Variants in EBF4 observed in about 807,000 individuals in gnomAD.
The protein encoded by EBF4 is EBF transcription factor 4, also known as transcription factor COE4.
A neutral mutation model predicts 67.1 loss-of-function variants in EBF4; 34 were observed. The ratio of observed to expected loss-of-function variants is 0.51; its 90% CI spans 0.39 to 0.67. The LOEUF is 0.67. EBF4 is among the 30% of genes least tolerant of loss of function. The pLI, the probability that EBF4 is intolerant of heterozygous loss-of-function variation, is 0.00. For synonymous variants in EBF4, 387 were observed against 377.7 expected, an observed-to-expected ratio of 1.02 and a Z score of -0.29; for missense variants, 837 against 873.3, an observed-to-expected ratio of 0.96 and a Z score of 0.52.
At chr20:2,703,582 T>G (rs2087407845) in intron 1 of EBF4, among the ~76,000 whole-genome samples, 1 of 151,714 alleles carries the variant, frequency 6.6e-6, no homozygotes, top group South Asian at 2.1e-4. Flanking sequence ...GCGGGATCAT[T>G]TGAGTTAGTA....
At chr20:2,705,649 C>T in exon 2 of EBF4, 2 of 1,553,346 alleles carry the variant, frequency 1.3e-6, no homozygotes, top group Non-Finnish European at 8.7e-7. Flanking sequence ...ACTTCTTCCA[C>T]TTCGTGCTGG....
chr20:2,719,873 C>A (rs771608870), intron 6 of EBF4, among the ~76,000 whole-genome samples: 2 of 152,110 alleles, frequency 1.3e-5, no homozygotes, highest in Non-Finnish European at 2.9e-5. Flanking sequence ...GTTGTTATTG[C>A]GTGAAATGTT....
chr20:2,703,274 A>C (rs2146376869), intron 1 of EBF4, among the ~76,000 whole-genome samples: 1 of 137,284 alleles, frequency 7.3e-6, no homozygotes, highest in Non-Finnish European at 1.6e-5. Context: ...AAAAAAAAAA[A>C]AAAAAGTTAC....
rs978424394 is a variant in EBF4, at chr20:2,751,911, CCT to C, written c.1108-10_1108-9del. ...GCCCCTCCGTCCCGCTGTCTCTCCC[CCT>C]GTCCCCAGGAAGTGCTGCTGAAGCG... On this transcript the variant is annotated splice_polypyrimidine_tract_variant and intron_variant, in intron 11 of 16. Coordinates refer to ENST00000609451, the Ensembl canonical transcript of EBF4. This position sits in a 1 kb window ranked among gnomAD's most constrained non-coding sequence, Gnocchi z 5.2. 6 of 1,549,326 alleles carry C rather than the reference CCT, an allele frequency of 3.9e-6. No individual in the cohort carries two copies. The African/African-American group carries it at 5.5e-5, about 14-fold the overall frequency.
At chr20:2,738,326 C>A (rs902372299) in intron 6 of EBF4, among the ~76,000 whole-genome samples, 1 of 152,182 alleles carries the variant, frequency 6.6e-6, no homozygotes, top group South Asian at 2.1e-4. Context: ...CTCTTTCTGA[C>A]TTGCAAGCAC....
chr20:2,721,246 CTTTT>C (rs146844927), intron 6 of EBF4, among the ~76,000 whole-genome samples: 1 of 108,116 alleles, frequency 9.2e-6, no homozygotes. Context: ...TGATTCTCTT[CTTTT>C]TTTTTTTTTT....
rs1555789099 is a variant in EBF4, at chr20:2,748,510, A to T, written c.558-39A>T. ...AGTTGGATCTTCATCTGTTTCCAGA[A>T]CCCCCAGACCCTTGAGCCCACCGAC... On this transcript the variant is annotated intron_variant, in intron 6 of 16. Coordinates refer to ENST00000609451, the Ensembl canonical transcript of EBF4. 9.1e-6 allele frequency: 14 copies of T among 1,534,344 alleles called. 1 individual carries two copies. The South Asian group carries it at 1.7e-4, about 18-fold the overall frequency.
chr20:2,696,972 G>A lies in EBF4; in HGVS notation c.137+3190G>A, dbSNP rs532118937. Among the ~76,000 whole-genome samples, 1 of 152,298 alleles carries A rather than the reference G, an allele frequency of 6.6e-6. No homozygotes were observed. The highest frequency in any genetic ancestry group is 2.1e-4 in the South Asian group (1 of 4,822). On this transcript the variant is annotated intron_variant, in intron 1 of 16. Transcript: ENST00000609451. This position sits in a 1 kb window ranked among gnomAD's most constrained non-coding sequence, Gnocchi z 4.7. ...CAGGGCAGGCTCAGGCAGTCCATGG[G>A]GGATGGGGGTGATGACTGTCTGCCG...
chr20:2,697,086 C>A (rs2087300112), intron 1 of EBF4, among the ~76,000 whole-genome samples: 1 of 152,208 alleles, frequency 6.6e-6, no homozygotes, highest in South Asian at 2.1e-4. Flanking sequence ...TCTACCTGAC[C>A]CAGGAATCAG....
At chr20:2,748,622 C>T (rs772769269) in exon 7 of EBF4, 8 of 1,551,418 alleles carry the variant, frequency 5.2e-6, no homozygotes, top group East Asian at 2.4e-5. Context: ...AGACATGCGC[C>T]GCTTCCAGGT....
chr20:2,720,363 T>G (rs1021912959), intron 6 of EBF4, among the ~76,000 whole-genome samples: 22 of 152,216 alleles, frequency 1.4e-4, no homozygotes, highest in African/African-American at 5.3e-4. Context: ...CCCAAAGTGC[T>G]GGGATTACAG....
Position 2,747,313 on chromosome 20 carries a change from CAAACAAAA to C in EBF4, c.558-1232_558-1225del. ...CTCTGTCTCAAAACAAAAAACAAAACAAACAAAAAAAAAAAAACAGGAAAAAAAAGAGT... is the reference window on the plus strand; with the variant it reads ...CTCTGTCTCAAAACAAAAAACAAAACAAAAAAAAACAGGAAAAAAAAGAGT... On this transcript the variant is annotated intron_variant, in intron 6 of 16. Transcript: ENST00000609451. This position sits in a 1 kb window ranked among gnomAD's most constrained non-coding sequence, Gnocchi z 4.6. Among the ~76,000 whole-genome samples the C allele has an allele frequency of 1.6e-5, 2 of 123,302 alleles. No homozygotes were observed. Among genetic ancestry groups the C allele is most frequent in the South Asian group, 5.0e-4 (2 of 4,040 alleles). 80.9% of individuals were successfully genotyped at this position (123,302 alleles called of 152,430 possible).
intron 13 of EBF4, 38 bp from the exon 14 acceptor site, chr20:2,752,319 C>T: frequency 8.3e-7 from 1 of 1,199,168 alleles, no homozygotes; most frequent in Non-Finnish European, 1.0e-6. Flanking sequence ...CCCTCCCCGG[C>T]CGGCACCGCC....
intron 5 of EBF4, among the ~76,000 whole-genome samples, chr20:2,709,230 C>T (rs1210350848): frequency 1.3e-5 from 2 of 152,096 alleles, no homozygotes; most frequent in African/African-American, 4.8e-5. Flanking sequence ...TTCATGAGCT[C>T]ACCGTTTGAG....
chr20:2,748,014 G>A (rs2088076629), intron 6 of EBF4, among the ~76,000 whole-genome samples: 1 of 152,156 alleles, frequency 6.6e-6, no homozygotes, highest in East Asian at 1.9e-4. Flanking sequence ...TGTCTGAGGA[G>A]TGTACATGGT....
Position 2,751,657 on chromosome 20 carries a change from G to A in EBF4, c.1019-43G>A. 6.5e-7 allele frequency: 1 copy of A among 1,542,340 alleles called. No homozygotes were observed. Among genetic ancestry groups the A allele is most frequent in the Non-Finnish European group, 8.8e-7 (1 of 1,139,894 alleles). ...CCTGCGTCTCACCCTGGGAGTGGGGGGCTGCGGGGGAGACGTCCTCCAAAC... is the reference window on the plus strand; with the variant it reads ...CCTGCGTCTCACCCTGGGAGTGGGGAGCTGCGGGGGAGACGTCCTCCAAAC... On this transcript the variant is annotated intron_variant, in intron 10 of 16. Transcript: ENST00000609451. The surrounding 1 kb of genome is among the most constrained non-coding windows in gnomAD (Gnocchi z 5.2).
At chr20:2,746,229 G>C (rs187698562) in intron 6 of EBF4, among the ~76,000 whole-genome samples, 1 of 152,264 alleles carries the variant, frequency 6.6e-6, no homozygotes, top group East Asian at 1.9e-4. Context: ...TGCGCCCACT[G>C]TGCAGGTGTA....
At chr20:2,758,613 A>G (rs919229960) in intron 15 of EBF4, among the ~76,000 whole-genome samples, 5 of 152,280 alleles carry the variant, frequency 3.3e-5, no homozygotes, top group Admixed American at 3.3e-4. Flanking sequence ...GTACATGGCC[A>G]TGCGCTTGAG....
At chr20:2,759,247 C>T (rs2088290372) in intron 16 of EBF4, 21 bp from the exon 17 acceptor site, 2 of 527,820 alleles carry the variant, frequency 3.8e-6, no homozygotes, top group Admixed American at 3.1e-5. Flanking sequence ...ACCTTCTTCT[C>T]TCCCTCTCTC....
Sources: gnomAD v4.1 joint callset for allele counts (sites outside exome capture counted in the v4.1 genomes callset) on GRCh38, gnomAD v4.1.1 for gene constraint, Gnocchi (gnomAD v3.1) non-coding constraint, MANE v1.5 for transcripts, NCBI Gene and HGNC (gene_info 2026-07-23, HGNC 2026-07-21) for gene names.